Variants in MRTFB observed in about 807,000 individuals in gnomAD.
The protein encoded by MRTFB is myocardin-related transcription factor B.
A neutral mutation model predicts 104.2 loss-of-function variants in MRTFB; 29 were observed. That is an observed-to-expected ratio of 0.28 (90% CI 0.21 to 0.38). The LOEUF (loss-of-function observed/expected upper bound fraction) is 0.38, where lower values mean the gene tolerates loss of function less well. Ranked by LOEUF, MRTFB falls within the 10% of genes least tolerant of loss-of-function variation. MRTFB has a pLI of 1.00. For synonymous variants in MRTFB, 535 were observed against 519.5 expected (o/e 1.03, Z -0.41); for missense variants, 1,270 against 1,341.6 (o/e 0.95, Z 0.83).
rs564536992 is a variant in MRTFB, at chr16:14,242,192, T to C, written c.1079+1708T>C. ...CTTATCTTTGAAACAGTCTTTTCTGTAATGAAAGAATTTGGCTGTGCGACT... is the reference window on the plus strand; with the variant it reads ...CTTATCTTTGAAACAGTCTTTTCTGCAATGAAAGAATTTGGCTGTGCGACT... On this transcript the variant is annotated intron_variant, in intron 10 of 16. Transcript: ENST00000571589. Among the ~76,000 whole-genome samples, 4 of 152,198 alleles carry C rather than the reference T, an allele frequency of 2.6e-5. No individual in the cohort carries two copies. The South Asian group carries it at 8.3e-4, about 32-fold the overall frequency.
chr16:14,004,139 A>G, the MRTFB span, among the ~76,000 whole-genome samples: 1 of 152,186 alleles, frequency 6.6e-6, no homozygotes, highest in African/African-American at 2.4e-5. Flanking sequence ...GAGAAGCCAG[A>G]AGGCTTGGTG....
chr16:14,222,189 A>G (rs558689848), intron 8 of MRTFB, among the ~76,000 whole-genome samples: 66 of 152,320 alleles, frequency 4.3e-4, no homozygotes, highest in African/African-American at 1.3e-3. Flanking sequence ...ACAGAGGTCC[A>G]CAGACCATAC....
chr16:14,252,385 C>T lies in MRTFB; in HGVS notation c.2586C>T (p.Pro862=), dbSNP rs758116064. The T allele has an allele frequency of 1.2e-6, 2 of 1,613,686 alleles. No homozygotes were observed. The highest frequency in any genetic ancestry group is 1.1e-5 in the South Asian group (1 of 91,008). ...CACAGCCTAGTTCACCCCCGCCACC[C>T]CAGCAATTTGTCGTCCAGCACTCTC... ...TPNKPSSPPP[P]QQFVVQHSLF... Residue 862 remains proline (P), a synonymous_variant, in exon 15 of 17, where the codon CCC becomes CCT. Coordinates refer to ENST00000571589, the MANE Select transcript of MRTFB (RefSeq NM_001308142.2).
the MRTFB span, among the ~76,000 whole-genome samples, chr16:14,032,420 A>G: frequency 6.6e-6 from 1 of 152,208 alleles, no homozygotes; most frequent in East Asian, 1.9e-4. Context: ...TCCGTTCCCC[A>G]TATCTTGCCC....
At chr16:14,214,224 G>A (rs751894137) in intron 6 of MRTFB, among the ~76,000 whole-genome samples, 31 of 152,136 alleles carry the variant, frequency 2.0e-4, no homozygotes, top group Non-Finnish European at 2.9e-4. Flanking sequence ...AAGCATTCTC[G>A]AAAGCTTATA....
intron 3 of MRTFB, chr16:14,144,380 G>C (rs1218583530): frequency 6.6e-6 from 1 of 152,080 alleles, no homozygotes; most frequent in Non-Finnish European, 1.5e-5. Flanking sequence ...GGCATAAAAG[G>C]CATCCTTATT....
chr16:14,175,818 A>T (rs1160673367), intron 3 of MRTFB, among the ~76,000 whole-genome samples: 3 of 152,216 alleles, frequency 2.0e-5, no homozygotes, highest in South Asian at 2.1e-4. Context: ...AACAATGTGC[A>T]TGAATCTCAG....
At position 14,213,621 on chromosome 16, in the gene MRTFB, G is replaced by A; in HGVS notation, c.352+1G>A. Reference sequence around the variant, plus strand: ...CTTGTCAGGATGCACATTTTAGAAGGTAAAGGATTTATTTCTTCTTAATCT... The same window carrying A: ...CTTGTCAGGATGCACATTTTAGAAGATAAAGGATTTATTTCTTCTTAATCT... On this transcript the variant is annotated splice_donor_variant, in intron 6 of 16. Transcript: ENST00000571589. LOFTEE classifies it high-confidence loss of function. 2 of 1,577,590 alleles carry A rather than the reference G, an allele frequency of 1.3e-6. No individual in the cohort carries two copies. The highest frequency in any genetic ancestry group is 1.8e-5 in the Admixed American group (1 of 55,300).
chr16:14,066,966 T>C (rs1045984287), upstream of MRTFB, among the ~76,000 whole-genome samples: 2 of 133,836 alleles, frequency 1.5e-5, no homozygotes, highest in African/African-American at 7.9e-5. Context: ...CCACCATGCC[T>C]GGCCAGAATT....
intron 3 of MRTFB, among the ~76,000 whole-genome samples, chr16:14,165,732 A>G (rs565149673): frequency 6.6e-6 from 1 of 152,274 alleles, no homozygotes; most frequent in East Asian, 1.9e-4. Context: ...ATCCAACTAG[A>G]TGATTCAGAG....
rs570159567 is a variant in MRTFB at position 14,254,918 on chromosome 16, TGGAAAA to T, written c.2703+2422_2703+2427del. 1.1e-3 allele frequency among the ~76,000 whole-genome samples: 166 copies of T among 152,264 alleles called. 1 individual carries two copies. Among genetic ancestry groups the T allele is most frequent in the Middle Eastern group, 3.4e-3 (1 of 294 alleles). Reference sequence around the variant, plus strand: ...CTACTATTACAGCTGTCCTCAGTGATGGAAAAGGAAATATGCTTGTAATAAAAGGGA... The same window carrying T: ...CTACTATTACAGCTGTCCTCAGTGATGGAAATATGCTTGTAATAAAAGGGA... On this transcript the variant is annotated intron_variant, in intron 15 of 16. Transcript: ENST00000571589.
At position 14,252,513 on chromosome 16, in the gene MRTFB, G is replaced by A; in HGVS notation, c.2703+11G>A. 6 of 1,613,730 alleles carry A rather than the reference G, an allele frequency of 3.7e-6. No individual in the cohort carries two copies. The highest frequency in any genetic ancestry group is 5.1e-6 in the Non-Finnish European group (6 of 1,179,928). On this transcript the variant is annotated intron_variant, in intron 15 of 16. Coordinates refer to ENST00000571589, the MANE Select transcript of MRTFB (RefSeq NM_001308142.2). ...GCCCCTCTGCCAGAGGTAAGTGAGGGCACGGTCATGGTGCATAAGGCTATG... is the reference window on the plus strand; with the variant it reads ...GCCCCTCTGCCAGAGGTAAGTGAGGACACGGTCATGGTGCATAAGGCTATG...
At chr16:14,256,194 C>CAAAAAAAAAAAAAA (rs750556838) in intron 15 of MRTFB, among the ~76,000 whole-genome samples, 4 of 77,654 alleles carry the variant, frequency 5.2e-5, no homozygotes, top group Admixed American at 1.3e-4. Flanking sequence ...AACAGGATAA[C>CAAAAAAAAAAAAAA]AAAAAAAAAA....
the MRTFB span, among the ~76,000 whole-genome samples, chr16:14,021,394 C>T: frequency 6.6e-6 from 1 of 152,170 alleles, no homozygotes; most frequent in Non-Finnish European, 1.5e-5. Context: ...AAATCCCTCT[C>T]ATGCTTTGAA....
At position 14,140,479 on chromosome 16, in the gene MRTFB, A is replaced by G. The variant is rs2037938789; in HGVS notation, c.-63-65A>G. 4.2e-6 allele frequency: 5 copies of G among 1,198,350 alleles called. No individual in the cohort carries two copies. The East Asian group carries it at 1.2e-4, about 30-fold the overall frequency. 74.2% of individuals were successfully genotyped at this position (1,198,350 alleles called of 1,614,324 possible). A position where few individuals can be genotyped will look rare whatever the true frequency, so the allele number is the denominator to read the frequency against. On this transcript the variant is annotated intron_variant, in intron 2 of 16. Transcript: ENST00000571589. ...ACTAGAACCCAGGATTCCCGTTTTAATACTTTTGTGCAAATTGGAGAAACA... is the reference window on the plus strand; with the variant it reads ...ACTAGAACCCAGGATTCCCGTTTTAGTACTTTTGTGCAAATTGGAGAAACA...
chr16:14,178,960 C>T (rs774106371), intron 3 of MRTFB, among the ~76,000 whole-genome samples: 1 of 152,134 alleles, frequency 6.6e-6, no homozygotes, highest in African/African-American at 2.4e-5. Context: ...CCAGGCTGGC[C>T]TTGAACTCCC....
At chr16:14,113,284 TC>T (rs2036370046) in intron 2 of MRTFB, among the ~76,000 whole-genome samples, 1 of 152,232 alleles carries the variant, frequency 6.6e-6, no homozygotes, top group African/African-American at 2.4e-5. Context: ...CCTCAGGTGA[TC>T]CACCCGCCTT....
chr16:14,059,688 G>A, the MRTFB span, among the ~76,000 whole-genome samples: 1 of 152,180 alleles, frequency 6.6e-6, no homozygotes, highest in Non-Finnish European at 1.5e-5. Flanking sequence ...TTGTGAGAAA[G>A]GAGGAAAATC....
intron 8 of MRTFB, among the ~76,000 whole-genome samples, chr16:14,230,873 G>C (rs1232970014): frequency 6.6e-6 from 1 of 151,090 alleles, no homozygotes; most frequent in African/African-American, 2.5e-5. Context: ...GCAAAGACTT[G>C]GAACCAACCC....
Sources: allele counts gnomAD v4.1 joint callset (sites outside exome capture counted in the v4.1 genomes callset), GRCh38; gene constraint gnomAD v4.1.1; transcripts MANE v1.5; gene names NCBI Gene and HGNC (gene_info 2026-07-23, HGNC 2026-07-21).